CEP112: variants seen among roughly 807,000 people sequenced by gnomAD.
CEP112 encodes centrosomal protein 112, also known as centrosomal protein of 112 kDa.
In CEP112, 127 loss-of-function variants were observed where a neutral mutation model predicts 153.0. The ratio of observed to expected loss-of-function variants is 0.83; its 90% CI spans 0.72 to 0.96. CEP112 has a LOEUF of 0.96. Ranked by LOEUF, CEP112 falls within the 40% of genes least tolerant of loss-of-function variation. CEP112 has a pLI of 0.00. For synonymous variants in CEP112, 358 were observed against 374.4 expected (o/e 0.96, Z 0.51); for missense variants, 1,089 against 1,101.2 (o/e 0.99, Z 0.16).
chr17:66,034,692 ACAAAT>A (rs1170865637), intron 12 of CEP112, among the ~76,000 whole-genome samples: 1 of 152,060 alleles, frequency 6.6e-6, no homozygotes, highest in East Asian at 1.9e-4. Flanking sequence ...AAGATATCCA[ACAAAT>A]CAGAGAAGAA....
At chr17:66,182,673 A>T (rs550151215) in intron 2 of CEP112, among the ~76,000 whole-genome samples, 1 of 152,338 alleles carries the variant, frequency 6.6e-6, no homozygotes, top group Non-Finnish European at 1.5e-5. Context: ...TGAGAAAAAG[A>T]CTTTCATTCC....
chr17:65,752,844 TTTC>T (rs1252589262), intron 21 of CEP112, among the ~76,000 whole-genome samples: 4 of 152,308 alleles, frequency 2.6e-5, no homozygotes, highest in African/African-American at 9.6e-5. Context: ...ATGCTATTGA[TTTC>T]TTATGTGTAT....
At chr17:65,799,868 A>ATAG (rs2055160480) in intron 21 of CEP112, among the ~76,000 whole-genome samples, 1 of 152,210 alleles carries the variant, frequency 6.6e-6, no homozygotes, top group Non-Finnish European at 1.5e-5. Context: ...GGATTTTTCT[A>ATAG]TAGTTGTTTT....
At chr17:66,088,855 C>T (rs891859302) in intron 8 of CEP112, among the ~76,000 whole-genome samples, 2 of 152,146 alleles carry the variant, frequency 1.3e-5, no homozygotes, top group African/African-American at 2.4e-5. Flanking sequence ...TGGCCTGTCC[C>T]AGTGGACCAA....
At chr17:65,959,150 G>A (rs1222479077) in intron 18 of CEP112, among the ~76,000 whole-genome samples, 4 of 152,036 alleles carry the variant, frequency 2.6e-5, no homozygotes, top group African/African-American at 9.7e-5. Flanking sequence ...TCTACTGAGA[G>A]CTGGGGAGAT....
At chr17:65,670,129 C>T (rs1405477536) in intron 24 of CEP112, among the ~76,000 whole-genome samples, 1 of 151,342 alleles carries the variant, frequency 6.6e-6, no homozygotes, top group Non-Finnish European at 1.5e-5. Flanking sequence ...TTTGTCCCTT[C>T]AGTGGGGCAT....
chr17:66,132,938 T>TG (rs1421308131), intron 4 of CEP112, among the ~76,000 whole-genome samples, 175 bp from the exon 5 acceptor site: 1 of 152,128 alleles, frequency 6.6e-6, no homozygotes, highest in East Asian at 1.9e-4. Flanking sequence ...CTTGGGAGGC[T>TG]GGGGCAAGGA....
At chr17:65,829,239 T>C (rs2056976793) in intron 21 of CEP112, among the ~76,000 whole-genome samples, 1 of 152,188 alleles carries the variant, frequency 6.6e-6, no homozygotes, top group Non-Finnish European at 1.5e-5. Flanking sequence ...TTTTACCATG[T>C]CTCATAATGT....
chr17:65,900,881 G>C (rs2059821937), intron 20 of CEP112, among the ~76,000 whole-genome samples: 1 of 152,132 alleles, frequency 6.6e-6, no homozygotes, highest in East Asian at 1.9e-4. Context: ...GCACTACAAT[G>C]ACTACCTTTT....
chr17:65,652,839 AAT>A (rs1345535502), intron 24 of CEP112, among the ~76,000 whole-genome samples: 1 of 152,196 alleles, frequency 6.6e-6, no homozygotes, highest in African/African-American at 2.4e-5. Context: ...TGCTATAACA[AAT>A]ACCATAGATT....
intron 4 of CEP112, among the ~76,000 whole-genome samples, chr17:66,139,168 G>C (rs2070573682): frequency 6.6e-6 from 1 of 151,960 alleles, no homozygotes; most frequent in African/African-American, 2.4e-5. Flanking sequence ...AAACAACAGA[G>C]AAAATGAAAC....
At chr17:66,149,763 TTTCA>T (rs946957965) in intron 4 of CEP112, among the ~76,000 whole-genome samples, 7 of 151,994 alleles carry the variant, frequency 4.6e-5, no homozygotes, top group African/African-American at 1.7e-4. Context: ...CAACTCTTAG[TTTCA>T]TTTTCTCTAC....
intron 23 of CEP112, among the ~76,000 whole-genome samples, chr17:65,739,770 G>A (rs112331888): frequency 9.2e-5 from 14 of 152,128 alleles, no homozygotes; most frequent in South Asian, 6.2e-4. Context: ...AATTTTGTTC[G>A]TTTGTGTAAC....
chr17:65,841,462 G>A (rs778487922), intron 21 of CEP112, among the ~76,000 whole-genome samples: 2 of 151,998 alleles, frequency 1.3e-5, no homozygotes, highest in Non-Finnish European at 2.9e-5. Flanking sequence ...TCTCATGCAG[G>A]TGAGAGTAGA....
chr17:66,024,414 A>G (rs539271857), intron 16 of CEP112, among the ~76,000 whole-genome samples: 48 of 152,162 alleles, frequency 3.2e-4, no homozygotes, highest in African/African-American at 1.2e-3. Flanking sequence ...TACCTAAAAA[A>G]CCCTAACAAT....
intron 20 of CEP112, among the ~76,000 whole-genome samples, chr17:65,881,572 T>C (rs962823497): frequency 2.6e-5 from 4 of 152,174 alleles, no homozygotes; most frequent in African/African-American, 9.7e-5. Flanking sequence ...CAGACAATCT[T>C]TTGTCAATTA....
At chr17:65,697,088 T>A (rs550113342) in intron 23 of CEP112, among the ~76,000 whole-genome samples, 1 of 152,204 alleles carries the variant, frequency 6.6e-6, no homozygotes, top group Non-Finnish European at 1.5e-5. Context: ...TACAATCCAA[T>A]TCAATGTTTA....
intron 18 of CEP112, among the ~76,000 whole-genome samples, chr17:65,956,409 T>TACACACACACACAC (rs55652336): frequency 1.5e-3 from 222 of 146,694 alleles, no homozygotes; most frequent in African/African-American, 4.7e-3. Flanking sequence ...CATACATACA[T>TACACACACACACAC]ACACACACAC....
intron 4 of CEP112, among the ~76,000 whole-genome samples, chr17:66,156,564 G>T (rs571307369): frequency 6.6e-5 from 10 of 152,086 alleles, no homozygotes; most frequent in Non-Finnish European, 1.3e-4. Context: ...GCTTCAGAAG[G>T]TGGGTAATAA....
Sources: allele counts gnomAD v4.1 joint callset (sites outside exome capture counted in the v4.1 genomes callset), GRCh38; gene constraint gnomAD v4.1.1; transcripts MANE v1.5; gene names NCBI Gene and HGNC (gene_info 2026-07-23, HGNC 2026-07-21).